The following MICAL2 variants were observed in gnomAD, a reference collection of about 807,000 sequenced individuals.
The protein encoded by MICAL2 is microtubule associated monooxygenase, calponin and LIM domain containing 2.
MICAL2 carries 77 observed loss-of-function variants against 127.3 expected under a neutral mutation model. The ratio of observed to expected loss-of-function variants is 0.60; its 90% confidence interval spans 0.50 to 0.73. MICAL2 has a LOEUF of 0.73. Ranked by LOEUF, MICAL2 falls within the 30% of genes least tolerant of loss-of-function variation. MICAL2 has a pLI of 0.00. For synonymous variants in MICAL2, 570 were observed against 551.1 expected (o/e 1.03, Z -0.48); for missense variants, 1,351 against 1,434.4 (o/e 0.94, Z 0.94).
intron 25 of MICAL2, 68 bp downstream of exon 25, chr11:12,258,624 A>G: frequency 6.9e-7 from 1 of 1,441,144 alleles, no homozygotes; most frequent in Non-Finnish European, 9.7e-7. Context: ...AGTGATCCTC[A>G]AAGTTAGGCC....
At chr11:12,299,506 G>A (rs964360216) in intron 29 of MICAL2, among the ~76,000 whole-genome samples, 1 of 152,010 alleles carries the variant, frequency 6.6e-6, no homozygotes, top group African/African-American at 2.4e-5. Flanking sequence ...TTAAATTAAT[G>A]GTGTACATAA....
At chr11:12,226,401 C>T in intron 14 of MICAL2, 31 bp downstream of exon 14, 2 of 1,604,858 alleles carry the variant, frequency 1.2e-6, no homozygotes, top group African/African-American at 2.7e-5. Flanking sequence ...TTTGCTTAGC[C>T]CCTTGAGCCA....
chr11:12,111,497 G>A (rs918213917), intron 1 of MICAL2, among the ~76,000 whole-genome samples: 3 of 152,248 alleles, frequency 2.0e-5, no homozygotes, highest in Non-Finnish European at 2.9e-5. Flanking sequence ...TGTATTCACC[G>A]CCAGCCTCAC....
chr11:12,249,716 G>A (rs1464392098), intron 22 of MICAL2, among the ~76,000 whole-genome samples: 1 of 152,222 alleles, frequency 6.6e-6, no homozygotes, highest in Non-Finnish European at 1.5e-5. Context: ...ACGTGGGCTT[G>A]CTCGATGCTC....
intron 3 of MICAL2, among the ~76,000 whole-genome samples, chr11:12,195,783 G>A (rs1278004763): frequency 2.0e-5 from 3 of 151,494 alleles, no homozygotes; most frequent in East Asian, 1.9e-4. Flanking sequence ...AAGACAAAGC[G>A]AGTGAAAAGC....
At chr11:12,223,181 A>G (rs1212451254) in intron 11 of MICAL2, among the ~76,000 whole-genome samples, 1 of 152,098 alleles carries the variant, frequency 6.6e-6, no homozygotes, top group Non-Finnish European at 1.5e-5. Context: ...AATTACATAC[A>G]CACAAATTAG....
chr11:12,310,506 G>T (rs764596648), intron 29 of MICAL2, among the ~76,000 whole-genome samples: 1 of 151,962 alleles, frequency 6.6e-6, no homozygotes, highest in Middle Eastern at 3.2e-3. Context: ...CTTATTTCTG[G>T]GTTCTCTATT....
At chr11:12,195,081 C>A (rs941383508) in intron 3 of MICAL2, among the ~76,000 whole-genome samples, 2 of 152,064 alleles carry the variant, frequency 1.3e-5, no homozygotes, top group African/African-American at 4.8e-5. Flanking sequence ...CATAGGGAGA[C>A]CCTCTCTCTA....
At chr11:12,153,540 C>T (rs541831229) in intron 2 of MICAL2, among the ~76,000 whole-genome samples, 111 of 152,248 alleles carry the variant, frequency 7.3e-4, no homozygotes, top group African/African-American at 2.4e-3. Flanking sequence ...CAGGTTCAAG[C>T]GATTCTCTTG....
At chr11:12,356,725 C>A (rs577407600) in intron 34 of MICAL2, among the ~76,000 whole-genome samples, 4 of 152,302 alleles carry the variant, frequency 2.6e-5, no homozygotes, top group East Asian at 1.9e-4. Flanking sequence ...CATGGGGGAA[C>A]CCTGTGGCAG....
At chr11:12,270,324 C>CT (rs1393043440) in intron 24 of MICAL2, among the ~76,000 whole-genome samples, 1 of 152,196 alleles carries the variant, frequency 6.6e-6, no homozygotes, top group African/African-American at 2.4e-5. Context: ...AGGCGTATCC[C>CT]TTGCAAACTA....
At chr11:12,205,176 G>A (rs1854525335) in intron 4 of MICAL2, among the ~76,000 whole-genome samples, 1 of 152,192 alleles carries the variant, frequency 6.6e-6, no homozygotes, top group African/African-American at 2.4e-5. Flanking sequence ...TATATAGGGA[G>A]AGACGAGTGC....
At chr11:12,283,154 C>T (rs1039337795) in intron 2 of MICAL2, among the ~76,000 whole-genome samples, 2 of 152,160 alleles carry the variant, frequency 1.3e-5, no homozygotes, top group African/African-American at 4.8e-5. Context: ...AAGTGCTGTG[C>T]TTTGTGCTGC....
chr11:12,318,185 C>G (rs1681009834), intron 29 of MICAL2, among the ~76,000 whole-genome samples: 1 of 152,160 alleles, frequency 6.6e-6, no homozygotes, highest in Admixed American at 6.5e-5. Context: ...TCCACCCTTC[C>G]ACAACAATTC....
At chr11:12,146,214 C>T (rs11022203) in intron 2 of MICAL2, among the ~76,000 whole-genome samples, 78,148 of 151,722 alleles carry the variant, frequency 0.52, 20,196 homozygotes, top group South Asian at 0.68. Context: ...AATTGACAAA[C>T]GGGATCTAAT....
chr11:12,282,993 C>G (rs1863788184), intron 2 of MICAL2, among the ~76,000 whole-genome samples: 1 of 152,140 alleles, frequency 6.6e-6, no homozygotes, highest in Non-Finnish European at 1.5e-5. Context: ...TTCTGACAGT[C>G]CAGTTTAACG....
chr11:12,226,082 C>T (rs556348224), intron 13 of MICAL2, 89 bp from the exon 14 acceptor site: 8 of 1,273,362 alleles, frequency 6.3e-6, no homozygotes, highest in Admixed American at 5.1e-5. Flanking sequence ...GAGTGTCACC[C>T]TCAGTGCTCC....
chr11:12,240,743 C>T (rs1859802233), intron 17 of MICAL2, among the ~76,000 whole-genome samples: 1 of 152,224 alleles, frequency 6.6e-6, no homozygotes, highest in African/African-American at 2.4e-5. Context: ...CTGGCATGGG[C>T]TCTGGCAGTG....
At chr11:12,213,518 C>A in intron 7 of MICAL2, 108 bp downstream of exon 7, 1 of 1,124,872 alleles carries the variant, frequency 8.9e-7, no homozygotes. Flanking sequence ...TCGAGGGACT[C>A]ACTCTGATAG....
Sources: allele counts gnomAD v4.1 joint callset (sites outside exome capture counted in the v4.1 genomes callset), GRCh38; gene constraint gnomAD v4.1.1; transcripts MANE v1.5; gene names NCBI Gene and HGNC (gene_info 2026-07-23, HGNC 2026-07-21).